LMLN: variants seen among roughly 807,000 people sequenced by gnomAD.
LMLN encodes the protein leishmanolysin like peptidase.
Under a neutral mutation model 92.3 loss-of-function variants are expected in LMLN, and 70 were observed. The observed-to-expected ratio is 0.76, with a 90% CI of 0.63 to 0.92. The LOEUF (loss-of-function observed/expected upper bound fraction) is 0.92, where lower values mean the gene tolerates loss of function less well. Among genes scored for constraint, LMLN ranks in the 40% least tolerant of loss-of-function variants. The pLI is 0.00. For synonymous variants in LMLN, 308 were observed against 296.2 expected, an observed-to-expected ratio of 1.04 and a Z score of -0.41; for missense variants, 691 against 814.6, an observed-to-expected ratio of 0.85 and a Z score of 1.85.
At chr3:197,991,016 T>C (rs11709555) in intron 9 of LMLN, among the ~76,000 whole-genome samples, 1 of 152,200 alleles carries the variant, frequency 6.6e-6, no homozygotes, top group African/African-American at 2.4e-5. Flanking sequence ...ACCAATAGGA[T>C]GTGTGTATAT....
intron 6 of LMLN, among the ~76,000 whole-genome samples, chr3:197,982,502 AG>A (rs1012622130): frequency 1.3e-4 from 20 of 152,310 alleles, no homozygotes; most frequent in Admixed American, 9.2e-4. Flanking sequence ...CTGGGATGAC[AG>A]GCATGAGCCA....
At chr3:198,028,262 G>T (rs766499597) in intron 14 of LMLN, among the ~76,000 whole-genome samples, 5 of 151,350 alleles carry the variant, frequency 3.3e-5, no homozygotes, top group African/African-American at 1.2e-4. Context: ...TGGGTGTTTC[G>T]ATGAACCGAC....
intron 15 of LMLN, among the ~76,000 whole-genome samples, 169 bp downstream of exon 16, chr3:198,036,212 A>G (rs1426725369): frequency 6.6e-6 from 1 of 152,202 alleles, no homozygotes; most frequent in African/African-American, 2.4e-5. Flanking sequence ...CGGAAATCTA[A>G]GGTAGGTCAA....
chr3:197,979,390 T>C (rs1721492368), intron 5 of LMLN, among the ~76,000 whole-genome samples: 1 of 152,110 alleles, frequency 6.6e-6, no homozygotes, highest in Admixed American at 6.5e-5. Flanking sequence ...TAAGATTTGC[T>C]GGGCAAGGTG....
intron 1 of LMLN, among the ~76,000 whole-genome samples, chr3:197,966,588 A>G (rs1174549772): frequency 6.6e-6 from 1 of 151,306 alleles, no homozygotes; most frequent in Non-Finnish European, 1.5e-5. Context: ...AATTTTGTTA[A>G]CTGTCTTTCC....
intron 11 of LMLN, among the ~76,000 whole-genome samples, chr3:198,014,651 T>A (rs1722564954): frequency 7.9e-6 from 1 of 126,094 alleles, no homozygotes; most frequent in Non-Finnish European, 1.7e-5. Context: ...CTCTCCACCC[T>A]TCAGAGTCCC....
chr3:198,019,476 A>G lies in LMLN; in HGVS notation c.1365+91A>G. On this transcript the variant is annotated intron_variant, in intron 12 of 15. Coordinates refer to ENST00000330198, the Ensembl canonical transcript of LMLN. The surrounding 1 kb of genome is among the most constrained non-coding windows in gnomAD (Gnocchi z 5.5). Reference sequence around the variant, plus strand: ...AAGAGTAAATTCTCTTAAGATTCTTAATTTATAAGGCCTTGTTTGTTTTCT... The same window carrying G: ...AAGAGTAAATTCTCTTAAGATTCTTGATTTATAAGGCCTTGTTTGTTTTCT... 8.0e-7 allele frequency: 1 copy of G among 1,256,974 alleles called. No individual in the cohort carries two copies. The highest frequency in any genetic ancestry group is 2.5e-5 in the East Asian group (1 of 40,520). 77.9% of individuals were successfully genotyped at this position (1,256,974 alleles called of 1,614,324 possible).
In LMLN at chr3:198,024,769, G is replaced by A; in HGVS notation, c.1637G>A (p.Trp546Ter). The A allele has an allele frequency of 6.2e-7, 1 of 1,608,544 alleles. No individual in the cohort carries two copies. Residue 546 changes from tryptophan (W) to a stop codon, truncating the protein, a stop_gained, in exon 14 of 16, where the codon TGG becomes TAG. Coordinates refer to ENST00000330198, the Ensembl canonical transcript of LMLN. LOFTEE classifies it high-confidence loss of function. The stretch of plus-strand genomic sequence containing the variant: ...GAGAGGAAGCTGAGTTACCCAGACT[G>A]GGGAAGCGGATGCTATCAGGTAAGC...
chr3:197,969,454 C>T (rs1721161548), intron 1 of LMLN, among the ~76,000 whole-genome samples: 1 of 152,078 alleles, frequency 6.6e-6, no homozygotes, highest in South Asian at 2.1e-4. Context: ...GTAATTTTCT[C>T]TACTAACTAA....
intron 11 of LMLN, among the ~76,000 whole-genome samples, chr3:198,006,496 C>G (rs562272301): frequency 6.6e-6 from 1 of 152,206 alleles, no homozygotes; most frequent in Non-Finnish European, 1.5e-5. Flanking sequence ...AAATGCCAAA[C>G]TTTTTAATTC....
At chr3:197,992,207 G>A (rs781041552) in intron 9 of LMLN, among the ~76,000 whole-genome samples, 9 of 151,902 alleles carry the variant, frequency 5.9e-5, no homozygotes, top group Non-Finnish European at 1.2e-4. Flanking sequence ...TTTCTCCGGA[G>A]AACCTTGACT....
chr3:197,960,549 T>A, intron 1 of LMLN, 109 bp downstream of exon 1: 9 of 1,009,082 alleles, frequency 8.9e-6, no homozygotes, highest in Non-Finnish European at 1.1e-5. Flanking sequence ...AAAGCGAAAT[T>A]GGGGCAGAGC....
chr3:197,968,169 A>T (rs1721113023), intron 1 of LMLN, among the ~76,000 whole-genome samples: 1 of 152,192 alleles, frequency 6.6e-6, no homozygotes, highest in Non-Finnish European at 1.5e-5. Flanking sequence ...GACAGGCGTA[A>T]GAAGTTATAA....
chr3:198,035,985 G>T (rs756601615), exon 15 of LMLN: 4 of 1,614,050 alleles, frequency 2.5e-6, no homozygotes, highest in East Asian at 2.2e-5. Flanking sequence ...ACTTCTGTGA[G>T]CTCTGTCCTC....
At chr3:198,016,845 G>C (rs1287672483) in intron 11 of LMLN, among the ~76,000 whole-genome samples, 1 of 152,190 alleles carries the variant, frequency 6.6e-6, no homozygotes, top group South Asian at 2.1e-4. Context: ...AGTCCAAATA[G>C]TAAATATTTT....
intron 6 of LMLN, among the ~76,000 whole-genome samples, chr3:197,982,627 A>G (rs377049011): frequency 3.9e-4 from 59 of 152,362 alleles, no homozygotes; most frequent in African/African-American, 1.4e-3. Flanking sequence ...TGAGGTAAAC[A>G]AAGTATAGAT....
intron 14 of LMLN, among the ~76,000 whole-genome samples, chr3:198,026,923 C>T (rs1722948289): frequency 6.6e-6 from 1 of 152,060 alleles, no homozygotes; most frequent in Admixed American, 6.5e-5. Context: ...AATACCAGCT[C>T]ATCAGGCCCT....
At position 198,042,888 on chromosome 3, in the gene LMLN, C is replaced by G. The variant is rs1452363759; in HGVS notation, c.*4221C>G. 6.6e-6 allele frequency: 1 copy of G among 152,144 alleles called. No homozygotes were observed. The highest frequency in any genetic ancestry group is 1.9e-4 in the East Asian group (1 of 5,194). 9.4% of individuals were successfully genotyped at this position (152,144 alleles called of 1,614,324 possible). ...GTAGGTTGTCCTCATATAGATCCTTCCAGTATTCTGAAAAACATCCTTTTA... is the reference window on the plus strand; with the variant it reads ...GTAGGTTGTCCTCATATAGATCCTTGCAGTATTCTGAAAAACATCCTTTTA... On this transcript the variant is annotated 3_prime_UTR_variant, in exon 16 of 16. Coordinates refer to ENST00000330198, the Ensembl canonical transcript of LMLN. The surrounding 1 kb of genome is among the most constrained non-coding windows in gnomAD (Gnocchi z 4.2).
intron 1 of LMLN, among the ~76,000 whole-genome samples, chr3:197,967,368 T>C (rs1721087497): frequency 6.6e-6 from 1 of 152,200 alleles, no homozygotes; most frequent in South Asian, 2.1e-4. Flanking sequence ...TGACATCACC[T>C]ATCAGTAGGA....
Sources: allele counts gnomAD v4.1 joint callset (sites outside exome capture counted in the v4.1 genomes callset), GRCh38; gene constraint gnomAD v4.1.1; non-coding constraint Gnocchi (gnomAD v3.1); transcripts MANE v1.5; gene names NCBI Gene and HGNC (gene_info 2026-07-23, HGNC 2026-07-21).